Variants in AUTS2 observed in about 807,000 individuals in gnomAD.
The protein encoded by AUTS2 is autism susceptibility gene 2 protein.
In AUTS2, 17 loss-of-function variants were observed where a neutral mutation model predicts 112.4. The observed-to-expected ratio is 0.15, with a 90% CI of 0.10 to 0.23. The LOEUF is 0.23. AUTS2 is among the 10% of genes least tolerant of loss of function. AUTS2 has a pLI of 1.00. For synonymous variants in AUTS2, 751 were observed against 702.7 expected (o/e 1.07, Z -1.09); for missense variants, 1,510 against 1,701.6 (o/e 0.89, Z 1.98).
chr7:70,604,705 G>A (rs1803642625), intron 5 of AUTS2, among the ~76,000 whole-genome samples: 1 of 152,218 alleles, frequency 6.6e-6, no homozygotes. Flanking sequence ...CTATGGACAA[G>A]AAAGGAGAAC....
At position 70,241,413 on chromosome 7, in the gene AUTS2, T is replaced by G. The variant is rs541727617; in HGVS notation, c.660+106842T>G. ...ATAAAAGATTTTAATTTTAGCCCCA[T>G]ATGCTGTAGCTATATATAAATGTTC... On this transcript the variant is annotated intron_variant, in intron 4 of 18. Coordinates refer to ENST00000342771, the MANE Select transcript of AUTS2 (RefSeq NM_015570.4). Among the ~76,000 whole-genome samples the G allele has an allele frequency of 4.6e-5, 7 of 152,354 alleles. 1 individual carries two copies. The South Asian group carries it at 1.5e-3, about 32-fold the overall frequency.
intron 4 of AUTS2, among the ~76,000 whole-genome samples, chr7:70,344,323 G>T (rs1423875498): frequency 1.5e-4 from 23 of 152,140 alleles, no homozygotes; most frequent in Admixed American, 1.5e-3. Flanking sequence ...TGAGAGAGGG[G>T]ACCCTAATTG....
At chr7:70,259,747 A>G (rs1026473770) in intron 4 of AUTS2, among the ~76,000 whole-genome samples, 3 of 152,196 alleles carry the variant, frequency 2.0e-5, no homozygotes, top group African/African-American at 7.2e-5. Context: ...CTAAGTGTTG[A>G]CATTACTCCA....
intron 5 of AUTS2, among the ~76,000 whole-genome samples, chr7:70,481,220 A>C (rs1490400031): frequency 1.3e-5 from 2 of 152,182 alleles, no homozygotes; most frequent in African/African-American, 4.8e-5. Flanking sequence ...GTCAGATTGC[A>C]GGTTTGCTTA....
intron 2 of AUTS2, among the ~76,000 whole-genome samples, chr7:69,919,276 A>G (rs982672063): frequency 3.9e-5 from 6 of 152,168 alleles, no homozygotes; most frequent in Non-Finnish European, 7.3e-5. Context: ...GTGGCTATTG[A>G]TATTGATATA....
chr7:69,765,810 G>C (rs1355976571), intron 1 of AUTS2, among the ~76,000 whole-genome samples: 1 of 152,074 alleles, frequency 6.6e-6, no homozygotes. Flanking sequence ...ATCTGGGCAT[G>C]GTGGCACGTG....
chr7:70,484,414 T>C (rs1456280051), intron 5 of AUTS2, among the ~76,000 whole-genome samples: 1 of 152,190 alleles, frequency 6.6e-6, no homozygotes, highest in Non-Finnish European at 1.5e-5. Context: ...GGGATTTGTT[T>C]GGAAGAGCAC....
intron 2 of AUTS2, among the ~76,000 whole-genome samples, chr7:70,096,692 A>C (rs1268188961): frequency 6.6e-6 from 1 of 151,550 alleles, no homozygotes; most frequent in African/African-American, 2.4e-5. Flanking sequence ...TTATTATTAC[A>C]TCAGATTTAC....
intron 1 of AUTS2, among the ~76,000 whole-genome samples, chr7:69,635,259 A>G (rs932735884): frequency 1.3e-4 from 20 of 152,308 alleles, no homozygotes; most frequent in African/African-American, 4.6e-4. Context: ...TTTCATCTCA[A>G]GTCACTTAAG....
chr7:69,655,811 G>A (rs1795503876), intron 1 of AUTS2, among the ~76,000 whole-genome samples: 1 of 152,144 alleles, frequency 6.6e-6, no homozygotes, highest in African/African-American at 2.4e-5. Context: ...TTAGGAGAAG[G>A]GTCCTGGGCA....
intron 1 of AUTS2, among the ~76,000 whole-genome samples, chr7:69,717,814 G>T (rs1464535006): frequency 6.6e-6 from 1 of 152,114 alleles, no homozygotes; most frequent in African/African-American, 2.4e-5. Flanking sequence ...CAGTGTCCTT[G>T]TTTTTGTTAA....
At chr7:70,501,680 T>C (rs1798777873) in intron 5 of AUTS2, among the ~76,000 whole-genome samples, 1 of 152,146 alleles carries the variant, frequency 6.6e-6, no homozygotes, top group African/African-American at 2.4e-5. Flanking sequence ...CATGCTCCAG[T>C]GTCATGAACC....
At chr7:69,933,290 A>C (rs1584462103) in intron 2 of AUTS2, among the ~76,000 whole-genome samples, 1 of 152,342 alleles carries the variant, frequency 6.6e-6, no homozygotes. Context: ...AAAGGGTTAA[A>C]ATAAGTACAT....
chr7:69,973,377 G>A (rs1256417018), intron 2 of AUTS2, among the ~76,000 whole-genome samples: 1 of 152,134 alleles, frequency 6.6e-6, no homozygotes, highest in East Asian at 1.9e-4. Context: ...TTGCAAATGA[G>A]GACAGATTTA....
chr7:70,088,837 G>A (rs1204567902), intron 2 of AUTS2, among the ~76,000 whole-genome samples: 4 of 151,854 alleles, frequency 2.6e-5, no homozygotes, highest in Admixed American at 6.6e-5. Flanking sequence ...GTGAGCCACC[G>A]CGCCTGTCCG....
rs967999431 is a variant in AUTS2, at chr7:69,861,752, GA to G, written c.310-37532del. ...CTTAATACCTCTGAAGCTTTCCTTGGAATCTCCTAGAATTGCCAGTCCTGAA... is the reference window on the plus strand; with the variant it reads ...CTTAATACCTCTGAAGCTTTCCTTGGATCTCCTAGAATTGCCAGTCCTGAA... On this transcript the variant is annotated intron_variant, in intron 1 of 18. Transcript: ENST00000342771. Among the ~76,000 whole-genome samples, 50 of 152,134 alleles carry G rather than the reference GA, an allele frequency of 3.3e-4. 1 individual carries two copies. The highest frequency in any genetic ancestry group is 1.6e-3 in the Admixed American group (24 of 15,272).
At chr7:70,288,947 A>G (rs1202338176) in intron 4 of AUTS2, among the ~76,000 whole-genome samples, 2 of 152,200 alleles carry the variant, frequency 1.3e-5, no homozygotes, top group African/African-American at 4.8e-5. Context: ...CCCGTAGGGC[A>G]TACCTTTTAA....
At chr7:70,758,382 A>T (rs1450107837) in intron 6 of AUTS2, among the ~76,000 whole-genome samples, 2 of 152,156 alleles carry the variant, frequency 1.3e-5, no homozygotes, top group Admixed American at 1.3e-4. Flanking sequence ...GAGGTTGTAG[A>T]GTTTGCATTC....
At chr7:70,062,427 C>T (rs974153753) in intron 2 of AUTS2, among the ~76,000 whole-genome samples, 5 of 151,570 alleles carry the variant, frequency 3.3e-5, no homozygotes, top group African/African-American at 4.9e-5. Context: ...GCAGGAGAAT[C>T]GCTTGAACCC....
Sources: gnomAD v4.1 joint callset for allele counts (sites outside exome capture counted in the v4.1 genomes callset) on GRCh38, gnomAD v4.1.1 for gene constraint, MANE v1.5 for transcripts, NCBI Gene and HGNC (gene_info 2026-07-23, HGNC 2026-07-21) for gene names.